The following PRKN variants were observed in gnomAD, a reference collection of about 807,000 sequenced individuals.
PRKN encodes E3 ubiquitin-protein ligase parkin.
Under a neutral mutation model 59.5 loss-of-function variants are expected in PRKN, and 56 were observed. The ratio of observed to expected loss-of-function variants is 0.94; its 90% CI spans 0.76 to 1.18. The LOEUF (loss-of-function observed/expected upper bound fraction) is 1.18, where lower values mean the gene tolerates loss of function less well. PRKN is among the 50% of genes most tolerant of loss of function. PRKN has a pLI of 0.00. For synonymous variants in PRKN, 250 were observed against 222.1 expected (o/e 1.13, Z -1.12); for missense variants, 657 against 596.4 (o/e 1.10, Z -1.06).
At chr6:162,033,694 C>T (rs964974401) in intron 5 of PRKN, among the ~76,000 whole-genome samples, 16 of 152,094 alleles carry the variant, frequency 1.1e-4, no homozygotes, top group African/African-American at 3.9e-4. Context: ...AATTAGCTTT[C>T]ATCTTAGAAA....
At chr6:161,741,162 C>A (rs1788167408) in intron 7 of PRKN, among the ~76,000 whole-genome samples, 1 of 152,200 alleles carries the variant, frequency 6.6e-6, no homozygotes, top group Admixed American at 6.5e-5. Flanking sequence ...GTCATTCATG[C>A]AACTCTGTCT....
At chr6:161,567,752 T>C (rs1780710720) in intron 8 of PRKN, among the ~76,000 whole-genome samples, 1 of 152,222 alleles carries the variant, frequency 6.6e-6, no homozygotes, top group Admixed American at 6.5e-5. Flanking sequence ...TACTGTTGGC[T>C]TCTTTCCTTA....
At chr6:162,205,307 T>C (rs947332391) in intron 3 of PRKN, among the ~76,000 whole-genome samples, 2 of 152,174 alleles carry the variant, frequency 1.3e-5, no homozygotes, top group Non-Finnish European at 2.9e-5. Context: ...TATTTGAAAA[T>C]AGTATATTTT....
intron 1 of PRKN, among the ~76,000 whole-genome samples, chr6:162,494,357 C>G (rs185730714): frequency 6.6e-6 from 1 of 152,226 alleles, no homozygotes; most frequent in South Asian, 2.1e-4. Flanking sequence ...TGGTGGGGAA[C>G]CCTGGCTTCT....
In PRKN at chr6:161,530,415, T is replaced by C. The variant is rs1372022257; in HGVS notation, c.1083+18439A>G. 1.3e-5 allele frequency among the ~76,000 whole-genome samples: 2 copies of C among 152,330 alleles called. No homozygotes were observed. ...TGAAAAATCATACTTTTAGAAGAAA[T>C]TGCCCTTTCCATTTTCTTAACTGCT... On this transcript the variant is annotated intron_variant, in intron 9 of 11. Coordinates refer to ENST00000366898, the MANE Select transcript of PRKN (RefSeq NM_004562.3). This position sits in a 1 kb window ranked among gnomAD's most constrained non-coding sequence, Gnocchi z 5.0.
chr6:162,408,486 G>A (rs1480009506), intron 2 of PRKN, among the ~76,000 whole-genome samples: 1 of 152,026 alleles, frequency 6.6e-6, no homozygotes, highest in African/African-American at 2.4e-5. Context: ...CCAGGTTTAG[G>A]GTACATCTCT....
chr6:161,901,695 A>G (rs1777922139), intron 6 of PRKN, among the ~76,000 whole-genome samples: 1 of 152,190 alleles, frequency 6.6e-6, no homozygotes, highest in Non-Finnish European at 1.5e-5. Context: ...ATTTGCCTTA[A>G]AACAAATATT....
chr6:162,582,051 A>G (rs1439033170), intron 1 of PRKN, among the ~76,000 whole-genome samples: 1 of 152,210 alleles, frequency 6.6e-6, no homozygotes, highest in East Asian at 1.9e-4. Context: ...CAGAGTGCTA[A>G]CCACTATAGT....
chr6:162,004,783 G>T (rs1308066583), intron 5 of PRKN, among the ~76,000 whole-genome samples: 2 of 152,192 alleles, frequency 1.3e-5, no homozygotes, highest in Non-Finnish European at 2.9e-5. Context: ...CAAACTGGCT[G>T]TTGATCAGGT....
chr6:162,465,242 C>T (rs1791363136), intron 1 of PRKN, among the ~76,000 whole-genome samples: 1 of 152,206 alleles, frequency 6.6e-6, no homozygotes, highest in Non-Finnish European at 1.5e-5. Flanking sequence ...GCTTATCTCT[C>T]AACTAGTTCT....
intron 9 of PRKN, among the ~76,000 whole-genome samples, chr6:161,426,103 T>A (rs772367779): frequency 6.6e-6 from 1 of 151,778 alleles, no homozygotes; most frequent in Non-Finnish European, 1.5e-5. Context: ...AAAAATGTGA[T>A]GGGGTGACAA....
At chr6:162,227,296 G>GT (rs537121147) in intron 3 of PRKN, among the ~76,000 whole-genome samples, 1 of 151,884 alleles carries the variant, frequency 6.6e-6, no homozygotes, top group East Asian at 1.9e-4. Flanking sequence ...GAAAATAAGG[G>GT]TTTTTTTCCC....
chr6:161,938,441 A>G (rs1388537809), intron 6 of PRKN, among the ~76,000 whole-genome samples: 1 of 152,258 alleles, frequency 6.6e-6, no homozygotes, highest in East Asian at 1.9e-4. Flanking sequence ...TTGTGGTTTT[A>G]GTAGTTACAT....
intron 1 of PRKN, among the ~76,000 whole-genome samples, chr6:162,644,681 G>C (rs1778096154): frequency 6.6e-6 from 1 of 152,146 alleles, no homozygotes; most frequent in South Asian, 2.1e-4. Flanking sequence ...CTTGTAGCTA[G>C]CTAAGTACCA....
intron 1 of PRKN, among the ~76,000 whole-genome samples, chr6:162,509,231 A>G (rs1221070552): frequency 1.3e-5 from 2 of 152,232 alleles, no homozygotes; most frequent in Non-Finnish European, 2.9e-5. Context: ...ACACAATTTT[A>G]AAACATTTAC....
At chr6:162,469,441 G>A (rs1217619313) in intron 1 of PRKN, among the ~76,000 whole-genome samples, 3 of 151,422 alleles carry the variant, frequency 2.0e-5, no homozygotes, top group Admixed American at 6.6e-5. Context: ...GCAAAAATGC[G>A]GAACCAGCCC....
intron 6 of PRKN, among the ~76,000 whole-genome samples, chr6:161,837,679 A>G (rs1426008957): frequency 1.3e-5 from 2 of 152,144 alleles, no homozygotes; most frequent in African/African-American, 2.4e-5. Context: ...GTAATAGATA[A>G]TGAATAATAA....
chr6:162,321,489 G>C (rs889406104), intron 2 of PRKN, among the ~76,000 whole-genome samples: 1 of 151,760 alleles, frequency 6.6e-6, no homozygotes, highest in Non-Finnish European at 1.5e-5. Flanking sequence ...AAATGCTTGA[G>C]AAAAGTGAAG....
chr6:162,357,021 G>A (rs1784900000), intron 2 of PRKN, among the ~76,000 whole-genome samples: 1 of 143,472 alleles, frequency 7.0e-6, no homozygotes, highest in South Asian at 2.1e-4. Context: ...TATAAAACAT[G>A]GAGAAGATAA....
Sources: gnomAD v4.1 joint callset for allele counts (sites outside exome capture counted in the v4.1 genomes callset) on GRCh38, gnomAD v4.1.1 for gene constraint, Gnocchi (gnomAD v3.1) non-coding constraint, MANE v1.5 for transcripts, NCBI Gene and HGNC (gene_info 2026-07-23, HGNC 2026-07-21) for gene names.